FBXO16: variants seen among roughly 807,000 people sequenced by gnomAD.
FBXO16 encodes the protein F-box protein 16.
In FBXO16, 31 loss-of-function variants were observed where a neutral mutation model predicts 41.0. The ratio of observed to expected loss-of-function variants is 0.76; its 90% CI spans 0.57 to 1.02. The LOEUF (loss-of-function observed/expected upper bound fraction) is 1.02, where lower values mean the gene tolerates loss of function less well. FBXO16 is among the 50% of genes least tolerant of loss of function. The pLI is 0.00. For missense variants in FBXO16, 361 were observed against 346.2 expected (o/e 1.04, Z -0.34); for synonymous variants, 133 against 117.8 (o/e 1.13, Z -0.84).
intron 6 of FBXO16, among the ~76,000 whole-genome samples, chr8:28,448,475 A>G (rs796661103): frequency 2.0e-5 from 3 of 152,184 alleles, no homozygotes; most frequent in Non-Finnish European, 2.9e-5. Context: ...AATCATCTAA[A>G]TTTTTCTCAA....
At chr8:28,489,331 G>A (rs116779010) in intron 1 of FBXO16, among the ~76,000 whole-genome samples, 1,787 of 151,898 alleles carry the variant, frequency 0.012, 35 homozygotes, top group African/African-American at 0.041. Flanking sequence ...GACAGAGTGC[G>A]ACTCCATCTT....
chr8:28,447,430 G>A, intron 6 of FBXO16, 157 bp from the exon 7 acceptor site: 2 of 606,440 alleles, frequency 3.3e-6, no homozygotes, highest in Admixed American at 5.9e-5. Flanking sequence ...ATAGAGAACT[G>A]GTTGCATCAA....
chr8:28,481,765 G>A (rs887830977), intron 2 of FBXO16, among the ~76,000 whole-genome samples: 5 of 144,364 alleles, frequency 3.5e-5, no homozygotes, highest in African/African-American at 5.3e-5. Flanking sequence ...AGCCGAGATC[G>A]CACCACTGCA....
At chr8:28,466,970 G>GTC (rs1254622895) in intron 3 of FBXO16, among the ~76,000 whole-genome samples, 2 of 121,424 alleles carry the variant, frequency 1.6e-5, no homozygotes, top group Non-Finnish European at 3.5e-5. Flanking sequence ...TAGAGACAGG[G>GTC]TCTCGCTGTG....
chr8:28,460,710 C>A (rs1347690021), intron 4 of FBXO16, among the ~76,000 whole-genome samples: 3 of 151,860 alleles, frequency 2.0e-5, no homozygotes, highest in Non-Finnish European at 2.9e-5. Context: ...CAGGTGTGAG[C>A]CACCTCTGCG....
At chr8:28,447,411 T>G (rs1802882395) in intron 6 of FBXO16, 138 bp from the exon 7 acceptor site, 1 of 681,168 alleles carries the variant, frequency 1.5e-6, no homozygotes, top group East Asian at 2.8e-5. Context: ...ATAAGCCAAA[T>G]GTCTATCAAT....
In FBXO16 at chr8:28,456,928, C is replaced by A. The variant is rs1803049227; in HGVS notation, c.345G>T (p.Val115=). 6 of 1,611,386 alleles carry A rather than the reference C, an allele frequency of 3.7e-6. 1 individual carries two copies. The South Asian group carries it at 6.6e-5, about 18-fold the overall frequency. Residue 115 remains valine (V), a splice_region_variant and synonymous_variant, in exon 5 of 9, where the codon GTG becomes GTT. Coordinates refer to ENST00000380254, the MANE Select transcript of FBXO16 (RefSeq NM_172366.4). The part of the protein sequence containing the change: ...DPRSLCRCAQ[V]CWHWKNLAEL... ...CAGCAAGGTTCTTCCAATGCCAGCACACCTGGAAAAACAATTACAATTAAA... is the reference window on the plus strand; with the variant it reads ...CAGCAAGGTTCTTCCAATGCCAGCAAACCTGGAAAAACAATTACAATTAAA...
chr8:28,460,223 G>GTATATATATATATA (rs1408340610), intron 4 of FBXO16, among the ~76,000 whole-genome samples: 24 of 89,784 alleles, frequency 2.7e-4, no homozygotes, highest in East Asian at 8.2e-4. Flanking sequence ...ATATATGTGT[G>GTATATATATATATA]TGTATATATA....
In FBXO16 at chr8:28,463,404, TTGTG is replaced by T. The variant is rs573049955; in HGVS notation, c.342+204_342+207del. Reference sequence around the variant, plus strand: ...TTTGTGTGTTTGTGTTTGTATGTATTTGTGTGTGTGTATATGTATGTGTGTATAT... The same window carrying T: ...TTTGTGTGTTTGTGTTTGTATGTATTTGTGTGTATATGTATGTGTGTATAT... On this transcript the variant is annotated intron_variant, in intron 4 of 8. Coordinates refer to ENST00000380254, the MANE Select transcript of FBXO16 (RefSeq NM_172366.4). Among the ~76,000 whole-genome samples the T allele has an allele frequency of 3.3e-5, 5 of 151,432 alleles. No homozygotes were observed. In the East Asian group the frequency reaches 5.8e-4, roughly 18 times the overall value.
At chr8:28,489,785 G>A (rs1189001899) in intron 1 of FBXO16, among the ~76,000 whole-genome samples, 1 of 152,038 alleles carries the variant, frequency 6.6e-6, no homozygotes, top group Non-Finnish European at 1.5e-5. Context: ...ACTGGGCTCT[G>A]GGGTTATATG....
At chr8:28,464,461 G>A (rs1317337261) in intron 3 of FBXO16, among the ~76,000 whole-genome samples, 2 of 152,196 alleles carry the variant, frequency 1.3e-5, no homozygotes, top group Non-Finnish European at 2.9e-5. Context: ...AATGACCAAG[G>A]ATGAGCACCT....
intron 7 of FBXO16, 75 bp downstream of exon 7, chr8:28,447,096 T>C (rs2130114005): frequency 7.4e-7 from 1 of 1,359,976 alleles, no homozygotes; most frequent in South Asian, 1.3e-5. Flanking sequence ...ATGAATTCAA[T>C]TTTGCAAATA....
chr8:28,488,804 T>C (rs1369766957), intron 1 of FBXO16, among the ~76,000 whole-genome samples: 1 of 152,122 alleles, frequency 6.6e-6, no homozygotes, highest in Non-Finnish European at 1.5e-5. Context: ...GATCCAGACT[T>C]CCTCGCGTGG....
At position 28,483,360 on chromosome 8, in the gene FBXO16, T is replaced by C; in HGVS notation, c.87A>G (p.Leu29=). 2 of 1,612,840 alleles carry C rather than the reference T, an allele frequency of 1.2e-6. No individual in the cohort carries two copies. The highest frequency in any genetic ancestry group is 8.5e-7 in the Non-Finnish European group (1 of 1,179,686). The change falls in exon 2 of 9, where the codon CTA becomes CTG. Residue 29 remains leucine (L), a synonymous_variant. Transcript: ENST00000380254. ...MSTWTPLNHQ[L]LNDRVFEERR... ...TCTGGTCACTTACCCGGTCATTCAA[T>C]AGCTGATGGTTTAGGGGTGTCCAGG...
intron 3 of FBXO16, among the ~76,000 whole-genome samples, chr8:28,465,672 G>A (rs969105548): frequency 6.6e-6 from 1 of 151,938 alleles, no homozygotes; most frequent in Non-Finnish European, 1.5e-5. Context: ...AACAAAAAGT[G>A]GATTGATTGT....
At chr8:28,439,740 T>C (rs1312924803) in intron 7 of FBXO16, among the ~76,000 whole-genome samples, 1 of 149,956 alleles carries the variant, frequency 6.7e-6, no homozygotes, top group Non-Finnish European at 1.5e-5. Context: ...AGTGAGACCC[T>C]GTCTCAAAAA....
intron 7 of FBXO16, among the ~76,000 whole-genome samples, chr8:28,437,405 G>A (rs1802702777): frequency 6.6e-6 from 1 of 152,204 alleles, no homozygotes; most frequent in South Asian, 2.1e-4. Flanking sequence ...GGGCTCACCT[G>A]AGAGTTGATT....
chr8:28,458,562 T>A (rs1803074857), intron 4 of FBXO16, among the ~76,000 whole-genome samples: 1 of 146,064 alleles, frequency 6.8e-6, no homozygotes, highest in African/African-American at 2.5e-5. Context: ...TTTTTTTTTT[T>A]TTTTTTTGAG....
chr8:28,481,563 G>A (rs1023239399), intron 2 of FBXO16, among the ~76,000 whole-genome samples: 8 of 152,120 alleles, frequency 5.3e-5, no homozygotes, highest in African/African-American at 1.9e-4. Context: ...TGTAATCCCA[G>A]CACTTTGGAA....
Sources: allele counts gnomAD v4.1 joint callset (sites outside exome capture counted in the v4.1 genomes callset), GRCh38; gene constraint gnomAD v4.1.1; transcripts MANE v1.5; gene names NCBI Gene and HGNC (gene_info 2026-07-23, HGNC 2026-07-21).